The following RERE variants were observed in gnomAD, a reference collection of about 807,000 sequenced individuals.
The protein encoded by RERE is arginine-glutamic acid dipeptide repeats protein.
A neutral mutation model predicts 146.1 loss-of-function variants in RERE; 40 were observed. That is an observed-to-expected ratio of 0.27 (90% confidence interval 0.21 to 0.36). The LOEUF is 0.36. Among genes scored for constraint, RERE ranks in the 10% least tolerant of loss-of-function variants. RERE has a pLI of 1.00. For missense variants in RERE, 1,933 were observed against 2,138.7 expected (o/e 0.90, Z 1.90); for synonymous variants, 1,003 against 866.0 (o/e 1.16, Z -2.78).
intron 6 of RERE, among the ~76,000 whole-genome samples, chr1:8,550,580 T>C (rs1339234332): frequency 2.0e-5 from 3 of 152,144 alleles, no homozygotes; most frequent in Non-Finnish European, 4.4e-5. Context: ...AGAGTCTCGC[T>C]CTGTCACCCA....
intron 1 of RERE, among the ~76,000 whole-genome samples, chr1:8,731,704 G>A (rs1452947510): frequency 1.3e-5 from 2 of 152,150 alleles, no homozygotes; most frequent in Non-Finnish European, 2.9e-5. Context: ...GAAAACTACA[G>A]GAAACGGAAG....
intron 1 of RERE, among the ~76,000 whole-genome samples, chr1:8,691,889 G>C (rs1048011894): frequency 2.0e-5 from 3 of 152,188 alleles, no homozygotes; most frequent in Non-Finnish European, 4.4e-5. Flanking sequence ...CCTCCTCTAA[G>C]AAGTGCACAG....
At chr1:8,436,792 AT>A (rs536678190) in intron 11 of RERE, among the ~76,000 whole-genome samples, 93 of 152,320 alleles carry the variant, frequency 6.1e-4, no homozygotes, top group African/African-American at 2.1e-3. Context: ...GTAATGAAAT[AT>A]TTTACATTCT....
intron 12 of RERE, among the ~76,000 whole-genome samples, chr1:8,375,744 A>G (rs996805238): frequency 2.4e-4 from 29 of 122,194 alleles, no homozygotes; most frequent in East Asian, 1.5e-3. Context: ...ATGCTTCCTC[A>G]CTCAGCAGCC....
intron 12 of RERE, among the ~76,000 whole-genome samples, chr1:8,386,385 A>C (rs1055869342): frequency 6.6e-6 from 1 of 151,114 alleles, no homozygotes; most frequent in African/African-American, 2.4e-5. Context: ...TAATGAGAAC[A>C]TTCCTGAGAT....
chr1:8,656,075 T>G lies in RERE; in HGVS notation c.223A>C (p.Asn75His). 1 of 1,614,150 alleles carries G rather than the reference T, an allele frequency of 6.2e-7. No individual in the cohort carries two copies. Among genetic ancestry groups the G allele is most frequent in the South Asian group, 1.1e-5 (1 of 91,068 alleles). Residue 75 changes from asparagine to histidine, a missense_variant, in exon 2 of 23, where the codon AAT becomes CAT. Physicochemically the swap from Asn to His is moderately conservative, Grantham distance 68 (BLOSUM62 1). Coordinates refer to ENST00000400908, the MANE Select transcript of RERE (RefSeq NM_001042681.2). ...SATAEESTKK[N>H]KKKPPKKKSR... Reference sequence around the variant, plus strand: ...TTTTTTTTCGGTGGTTTCTTCTTATTCTTCTTCGTGGACTCCTCTGCGGTG... The same window carrying G: ...TTTTTTTTCGGTGGTTTCTTCTTATGCTTCTTCGTGGACTCCTCTGCGGTG...
chr1:8,374,650 C>T lies in RERE; in HGVS notation c.1285-8676G>A, dbSNP rs1321167045. Among the ~76,000 whole-genome samples the T allele has an allele frequency of 2.0e-5, 3 of 152,372 alleles. No individual in the cohort carries two copies. In the East Asian group the frequency reaches 5.8e-4, roughly 29 times the overall value. On this transcript the variant is annotated intron_variant, in intron 12 of 22. Transcript: ENST00000400908. ...AAGCCCCGCTAGTACCTTGCCACTT[C>T]TTCTCCAAACGGTCAAAGGTTCCTC...
intron 1 of RERE, among the ~76,000 whole-genome samples, chr1:8,694,025 T>A: frequency 8.1e-6 from 1 of 123,010 alleles, no homozygotes. Context: ...CCAATTTTCT[T>A]TCCCAAAAAA....
At chr1:8,586,928 C>T (rs1570473248) in intron 4 of RERE, among the ~76,000 whole-genome samples, 1 of 152,098 alleles carries the variant, frequency 6.6e-6, no homozygotes, top group Non-Finnish European at 1.5e-5. Context: ...GAATGACATC[C>T]TTGGATTAAG....
intron 1 of RERE, among the ~76,000 whole-genome samples, chr1:8,771,037 G>A (rs1196566446): frequency 6.6e-6 from 1 of 151,840 alleles, no homozygotes; most frequent in South Asian, 2.1e-4. Context: ...ACAGTATGTA[G>A]AATAAAATCT....
chr1:8,646,328 T>TC (rs1190453488), intron 2 of RERE, among the ~76,000 whole-genome samples: 3 of 151,990 alleles, frequency 2.0e-5, no homozygotes, highest in Admixed American at 1.3e-4. Flanking sequence ...GTCCAGGAGT[T>TC]CAAGACCAGC....
chr1:8,686,811 G>A (rs1169615645), intron 1 of RERE, among the ~76,000 whole-genome samples: 2 of 152,166 alleles, frequency 1.3e-5, no homozygotes, highest in Non-Finnish European at 2.9e-5. Flanking sequence ...AAACAGAGCA[G>A]AGTAAGGACA....
intron 4 of RERE, among the ~76,000 whole-genome samples, chr1:8,612,952 C>G (rs1424775058): frequency 6.6e-6 from 1 of 152,168 alleles, no homozygotes; most frequent in Non-Finnish European, 1.5e-5. Flanking sequence ...TAATGTGAAA[C>G]CCCCATCCCT....
chr1:8,722,052 T>C (rs941854379), intron 1 of RERE, among the ~76,000 whole-genome samples: 1 of 152,350 alleles, frequency 6.6e-6, no homozygotes, highest in Admixed American at 6.5e-5. Flanking sequence ...CAGCCCTTTT[T>C]CTGTCTATGA....
intron 1 of RERE, among the ~76,000 whole-genome samples, chr1:8,791,238 C>T (rs563669523): frequency 2.6e-5 from 4 of 152,276 alleles, no homozygotes; most frequent in Admixed American, 6.5e-5. Flanking sequence ...TTGTTAACTC[C>T]CTAAGTGCTA....
Position 8,364,655 on chromosome 1 carries a change from TG to T in RERE, c.1540+90del. 1 of 890,250 alleles carries T rather than the reference TG, an allele frequency of 1.1e-6. No homozygotes were observed. The highest frequency in any genetic ancestry group is 1.9e-6 in the Non-Finnish European group (1 of 533,474). 55.1% of individuals were successfully genotyped at this position (890,250 alleles called of 1,614,324 possible). ...CAAATGTCAAATCAAGTACTGTCCC[TG>T]GCAGGTTTCCAGCTGGATGCATGAA... is the stretch of plus-strand genomic sequence containing the variant. On this transcript the variant is annotated intron_variant, in intron 14 of 22. Coordinates refer to ENST00000400908, the MANE Select transcript of RERE (RefSeq NM_001042681.2). The surrounding 1 kb of genome is among the most constrained non-coding windows in gnomAD (Gnocchi z 5.1).
In RERE at chr1:8,656,121, CTCG is replaced by C; in HGVS notation, c.174_176del (p.Asp58del). On this transcript the variant is annotated inframe_deletion, in exon 2 of 23. Transcript: ENST00000400908. ...CGGTGGCACTATTGTTGTCATTGTC[CTCG>C]TCTTCACTGTGATCACTCTCAGCAT... 1 of 1,613,988 alleles carries C rather than the reference CTCG, an allele frequency of 6.2e-7. No homozygotes were observed. Among genetic ancestry groups the C allele is most frequent in the South Asian group, 1.1e-5 (1 of 91,064 alleles).
intron 8 of RERE, among the ~76,000 whole-genome samples, chr1:8,498,144 A>C (rs1238209252): frequency 6.8e-6 from 1 of 146,134 alleles, no homozygotes; most frequent in Non-Finnish European, 1.5e-5. Flanking sequence ...GTGGATCACA[A>C]GGTCAGGAGT....
intron 11 of RERE, among the ~76,000 whole-genome samples, chr1:8,448,142 C>T (rs1250188301): frequency 1.3e-5 from 2 of 152,164 alleles, no homozygotes; most frequent in Non-Finnish European, 2.9e-5. Flanking sequence ...CTGTCCAGGG[C>T]CACCTGGAGG....
Sources: gnomAD v4.1 joint callset for allele counts (sites outside exome capture counted in the v4.1 genomes callset) on GRCh38, gnomAD v4.1.1 for gene constraint, Gnocchi (gnomAD v3.1) non-coding constraint, MANE v1.5 for transcripts, NCBI Gene and HGNC (gene_info 2026-07-23, HGNC 2026-07-21) for gene names.